The following INTS6 variants were observed in gnomAD, a reference collection of about 807,000 sequenced individuals.
INTS6 encodes the protein integrator complex subunit 6.
A neutral mutation model predicts 104.9 loss-of-function variants in INTS6; 16 were observed. The ratio of observed to expected loss-of-function variants is 0.15; its 90% CI spans 0.10 to 0.23. The LOEUF (loss-of-function observed/expected upper bound fraction) is 0.23, where lower values mean the gene tolerates loss of function less well. Among genes scored for constraint, INTS6 ranks in the 10% least tolerant of loss-of-function variants. The pLI is 1.00. For synonymous variants in INTS6, 324 were observed against 358.7 expected (o/e 0.90, Z 1.09); for missense variants, 584 against 1,062.8 (o/e 0.55, Z 6.26).
chr13:51,353,795 A>G (rs1471368296), downstream of INTS6, among the ~76,000 whole-genome samples: 2 of 152,172 alleles, frequency 1.3e-5, no homozygotes, highest in African/African-American at 4.8e-5. Flanking sequence ...TTTGATATTA[A>G]ATGGTCTTGT....
Position 51,367,892 on chromosome 13 carries a change from T to C in INTS6, c.2483A>G (p.Glu828Gly), listed in dbSNP as rs1232501340. ...KEIRKPGRKYERIFTLLKHVQ... is the reference protein window; with the variant it reads ...KEIRKPGRKYGRIFTLLKHVQ... ...ATGCTTCAGTAAAGTGAAGATTCTT[T>C]CATATTCTTAAAGCAAAAGAAACAA... The change falls in exon 17 of 18, where the codon GAA becomes GGA. Residue 828 changes from glutamate to glycine, a missense_variant. This residue lies in a region of INTS6 where 296 missense variants were observed against 437.0 expected (regional missense o/e 0.68). Coordinates refer to ENST00000311234, the MANE Select transcript of INTS6 (RefSeq NM_012141.3). 1 of 1,559,014 alleles carries C rather than the reference T, an allele frequency of 6.4e-7. No homozygotes were observed. Among genetic ancestry groups the C allele is most frequent in the Non-Finnish European group, 8.7e-7 (1 of 1,154,644 alleles).
downstream of INTS6, among the ~76,000 whole-genome samples, chr13:51,351,986 C>T (rs888449385): frequency 4.6e-5 from 7 of 152,074 alleles, no homozygotes; most frequent in Admixed American, 6.6e-5. Flanking sequence ...CAATTCTATC[C>T]TATAGGCATA....
intron 4 of INTS6, among the ~76,000 whole-genome samples, chr13:51,406,288 T>G (rs971806071): frequency 6.6e-6 from 1 of 152,170 alleles, no homozygotes; most frequent in South Asian, 2.1e-4. Flanking sequence ...TTCTGCCTCA[T>G]GACACACCCC....
At chr13:51,368,713 T>C (rs1404589697) in intron 16 of INTS6, among the ~76,000 whole-genome samples, 2 of 152,126 alleles carry the variant, frequency 1.3e-5, no homozygotes, top group African/African-American at 2.4e-5. Flanking sequence ...CTGTACAGTG[T>C]TGCTCTGCTC....
chr13:51,375,766 T>TGCGC (rs1555283864), intron 13 of INTS6, among the ~76,000 whole-genome samples: 15 of 147,224 alleles, frequency 1.0e-4, no homozygotes, highest in African/African-American at 2.8e-4. Flanking sequence ...TGTGTGTGTG[T>TGCGC]GCGCGCGCGT....
the INTS6 span, among the ~76,000 whole-genome samples, chr13:51,345,219 C>G: frequency 6.6e-6 from 1 of 152,164 alleles, no homozygotes; most frequent in Non-Finnish European, 1.5e-5. Flanking sequence ...AAGGCTCAGC[C>G]TCCTGCCCAG....
Position 51,450,009 on chromosome 13 carries a change from A to T in INTS6, c.339+1016T>A, listed in dbSNP as rs1953002223. On this transcript the variant is annotated intron_variant, in intron 3 of 17. Transcript: ENST00000311234. ...TCCCTAAGAAGCTTAAAATTTCCTA[A>T]AACAGAAACAAGTCAATTTCCTTCA... 5.1e-6 allele frequency: 5 copies of T among 985,334 alleles called. No individual in the cohort carries two copies. The East Asian group carries it at 3.4e-4, about 67-fold the overall frequency. 61.0% of individuals were successfully genotyped at this position (985,334 alleles called of 1,614,324 possible). A position where few individuals can be genotyped will look rare whatever the true frequency, so the allele number is the denominator to read the frequency against.
the INTS6 span, among the ~76,000 whole-genome samples, chr13:51,338,057 T>C: frequency 8.5e-5 from 13 of 152,338 alleles, no homozygotes; most frequent in South Asian, 2.7e-3. Flanking sequence ...CTAGCATTTT[T>C]CCCGAAGGAT....
intron 4 of INTS6, among the ~76,000 whole-genome samples, chr13:51,399,707 G>GGTGT (rs149002451): frequency 2.7e-5 from 4 of 148,198 alleles, no homozygotes; most frequent in Non-Finnish European, 6.1e-5. Context: ...AGCCATTGTG[G>GGTGT]GTGTGTGTGT....
intron 4 of INTS6, among the ~76,000 whole-genome samples, chr13:51,405,304 T>C (rs1028795071): frequency 1.3e-5 from 2 of 152,262 alleles, no homozygotes; most frequent in Non-Finnish European, 2.9e-5. Context: ...TGGATTTTAA[T>C]ATAGGGAGAT....
chr13:51,391,718 G>C (rs1323938681), intron 5 of INTS6, among the ~76,000 whole-genome samples: 1 of 152,118 alleles, frequency 6.6e-6, no homozygotes, highest in Non-Finnish European at 1.5e-5. Context: ...GAGTCTAAAG[G>C]CAGTATTAGC....
chr13:51,412,320 TAAC>T (rs746889008), intron 4 of INTS6, among the ~76,000 whole-genome samples: 4 of 152,142 alleles, frequency 2.6e-5, no homozygotes, highest in African/African-American at 7.2e-5. Context: ...AAGGGGACAA[TAAC>T]AACAACAAAA....
At chr13:51,359,333 T>C (rs1371849261), downstream of INTS6, among the ~76,000 whole-genome samples, 1 of 152,132 alleles carries the variant, frequency 6.6e-6, no homozygotes, top group Non-Finnish European at 1.5e-5. Flanking sequence ...GACTCCCATA[T>C]TCTCATTTTT....
intron 3 of INTS6, chr13:51,450,317 A>ATT: frequency 1.0e-6 from 1 of 985,418 alleles, no homozygotes; most frequent in African/African-American, 1.7e-5. Context: ...ATTATTGTTG[A>ATT]TTTAAAGCTC....
rs1156333077 is a variant in INTS6 at position 51,429,785 on chromosome 13, A to AAAAAAATAT, written c.429+508_429+509insATATTTTTT. 5.5e-4 allele frequency among the ~76,000 whole-genome samples: 51 copies of AAAAAAATAT among 92,358 alleles called. 1 individual carries two copies. Among genetic ancestry groups the AAAAAAATAT allele is most frequent in the African/African-American group, 1.9e-3 (41 of 21,702 alleles). The allele number at this position is 92,358 out of a possible 152,430, so 60.6% of individuals were successfully genotyped here. On this transcript the variant is annotated intron_variant, in intron 4 of 17. Transcript: ENST00000311234. ...TCTCAAAAAAAAAAAAAAAAAAAAAAATATATATATATATATATATATATG... is the reference window on the plus strand; with the variant it reads ...TCTCAAAAAAAAAAAAAAAAAAAAAAAAAAAATATATATATATATATATATATATATATG...
intron 3 of INTS6, chr13:51,444,853 A>T (rs1166045617): frequency 2.0e-5 from 3 of 149,200 alleles, no homozygotes; most frequent in African/African-American, 5.0e-5. Context: ...TTTAGAAAAC[A>T]GTTTTAGAGT....
At chr13:51,348,280 G>C in the INTS6 span, 1 of 1,611,120 alleles carries the variant, frequency 6.2e-7, no homozygotes, top group Non-Finnish European at 8.5e-7. Flanking sequence ...GAAGTGCAGT[G>C]AGTCTGTTCC....
rs982625119 is a variant in INTS6, at chr13:51,361,949, C to T, written c.*3803G>A. ...TAATTTATCAGTGTCTCTCTAGCAA[C>T]AAGGGCTCATTTGTCCACTATCCCC... is the stretch of plus-strand genomic sequence containing the variant. On this transcript the variant is annotated 3_prime_UTR_variant, in exon 18 of 18. Coordinates refer to ENST00000311234, the MANE Select transcript of INTS6 (RefSeq NM_012141.3). The T allele has an allele frequency of 1.2e-6, 2 of 1,611,832 alleles. No homozygotes were observed. The highest frequency in any genetic ancestry group is 1.7e-6 in the Non-Finnish European group (2 of 1,178,636).
chr13:51,374,587 A>C, intron 14 of INTS6, 67 bp downstream of exon 14: 1 of 1,579,556 alleles, frequency 6.3e-7, no homozygotes, highest in East Asian at 2.3e-5. Context: ...CTTCAGTTAA[A>C]TTAAGAACTA....
Sources: allele counts gnomAD v4.1 joint callset (sites outside exome capture counted in the v4.1 genomes callset), GRCh38; gene constraint gnomAD v4.1.1; regional missense constraint gnomAD v4.1.1; transcripts MANE v1.5; gene names NCBI Gene and HGNC (gene_info 2026-07-23, HGNC 2026-07-21).